The following DNAH7 variants were observed in gnomAD, a reference collection of about 807,000 sequenced individuals.
DNAH7 encodes the protein axonemal beta dynein heavy chain 7.
A neutral mutation model predicts 444.6 loss-of-function variants in DNAH7; 397 were observed. The observed-to-expected ratio is 0.89, with a 90% confidence interval of 0.82 to 0.97. The LOEUF (loss-of-function observed/expected upper bound fraction) is 0.97, where lower values mean the gene tolerates loss of function less well. Ranked by LOEUF, DNAH7 falls within the 50% of genes least tolerant of loss-of-function variation. DNAH7 has a pLI of 0.00. For synonymous variants in DNAH7, 1,636 were observed against 1,624.4 expected, an observed-to-expected ratio of 1.01 and a Z score of -0.17; for missense variants, 4,902 against 4,800.8, an observed-to-expected ratio of 1.02 and a Z score of -0.62.
At chr2:195,789,271 T>C (rs577334091) in intron 57 of DNAH7, among the ~76,000 whole-genome samples, 2 of 151,820 alleles carry the variant, frequency 1.3e-5, no homozygotes, top group Non-Finnish European at 1.5e-5. Context: ...AAGACTCAAG[T>C]ATAGCAATGA....
intron 2 of DNAH7, among the ~76,000 whole-genome samples, chr2:196,051,503 G>A (rs999871837): frequency 7.2e-5 from 11 of 152,220 alleles, no homozygotes; most frequent in African/African-American, 2.4e-4. Context: ...GGCCAGGCGC[G>A]GTGGCTGTAA....
chr2:195,830,365 G>T (rs1182167539), intron 48 of DNAH7, among the ~76,000 whole-genome samples: 1 of 152,114 alleles, frequency 6.6e-6, no homozygotes, highest in Non-Finnish European at 1.5e-5. Context: ...AATTTCTCTT[G>T]CATGTAGGAC....
At chr2:196,034,591 G>C (rs893588497) in intron 5 of DNAH7, among the ~76,000 whole-genome samples, 6 of 152,208 alleles carry the variant, frequency 3.9e-5, no homozygotes, top group African/African-American at 1.2e-4. Flanking sequence ...TTTTGAAAAA[G>C]AATAAATTTT....
At chr2:195,795,510 T>C (rs1251263890) in intron 56 of DNAH7, among the ~76,000 whole-genome samples, 1 of 152,210 alleles carries the variant, frequency 6.6e-6, no homozygotes, top group Non-Finnish European at 1.5e-5. Context: ...TGACGTATAC[T>C]CTTGAGAAAG....
At chr2:195,910,686 A>T (rs962016468) in intron 24 of DNAH7, among the ~76,000 whole-genome samples, 3 of 152,190 alleles carry the variant, frequency 2.0e-5, no homozygotes, top group Non-Finnish European at 2.9e-5. Context: ...AACAGAAAAT[A>T]AACCCTCAGA....
intron 61 of DNAH7, among the ~76,000 whole-genome samples, chr2:195,766,960 C>CT (rs1454838183): frequency 6.6e-6 from 1 of 151,996 alleles, no homozygotes; most frequent in Non-Finnish European, 1.5e-5. Context: ...GGTTACTTCT[C>CT]TTTTTTTGCT....
intron 46 of DNAH7, among the ~76,000 whole-genome samples, chr2:195,851,539 C>T (rs553689266): frequency 3.3e-5 from 5 of 152,196 alleles, no homozygotes; most frequent in Non-Finnish European, 5.9e-5. Flanking sequence ...AGTTCACATG[C>T]TTAAGGCACC....
At chr2:195,949,779 A>G (rs1421318763) in intron 19 of DNAH7, among the ~76,000 whole-genome samples, 3 of 152,182 alleles carry the variant, frequency 2.0e-5, no homozygotes, top group Non-Finnish European at 2.9e-5. Context: ...ACGTTCCATA[A>G]ATACCTAGTT....
intron 63 of DNAH7, among the ~76,000 whole-genome samples, chr2:195,751,139 GCTT>G (rs1693775539): frequency 6.6e-6 from 1 of 152,102 alleles, no homozygotes; most frequent in African/African-American, 2.4e-5. Flanking sequence ...GTGGGATAAA[GCTT>G]CTTTTGAGTA....
chr2:195,834,517 T>G (rs1698235620), intron 47 of DNAH7, 157 bp from the exon 48 acceptor site: 1 of 763,370 alleles, frequency 1.3e-6, no homozygotes, highest in South Asian at 4.1e-5. Flanking sequence ...AACAGAGACG[T>G]GTAGATTGAG....
chr2:196,030,761 C>CCATG (rs1696001015), intron 5 of DNAH7, among the ~76,000 whole-genome samples: 2 of 152,262 alleles, frequency 1.3e-5, no homozygotes, highest in Non-Finnish European at 2.9e-5. Context: ...CTCCAGGTCT[C>CCATG]ACATCCAGGT....
At chr2:195,884,234 T>C (rs1005277679) in intron 35 of DNAH7, among the ~76,000 whole-genome samples, 1 of 152,260 alleles carries the variant, frequency 6.6e-6, no homozygotes, top group Non-Finnish European at 1.5e-5. Flanking sequence ...GTGCCTAGTA[T>C]ACTAACATGC....
chr2:196,019,473 A>G (rs563048750), intron 8 of DNAH7, among the ~76,000 whole-genome samples, 178 bp from the exon 9 acceptor site: 1 of 152,322 alleles, frequency 6.6e-6, no homozygotes, highest in East Asian at 1.9e-4. Context: ...ATGGTTTAGT[A>G]TAATTTCATT....
intron 40 of DNAH7, 33 bp downstream of exon 40, chr2:195,872,217 A>T: frequency 6.6e-7 from 1 of 1,512,542 alleles, no homozygotes; most frequent in South Asian, 1.2e-5. Context: ...TTTGTTTCTC[A>T]CATAATCCCA....
chr2:195,920,115 G>T (rs770499731), intron 24 of DNAH7, among the ~76,000 whole-genome samples: 2 of 152,016 alleles, frequency 1.3e-5, no homozygotes, highest in Non-Finnish European at 2.9e-5. Context: ...GATCAATATT[G>T]TGATAATGAC....
chr2:195,832,129 T>C (rs1445990537), intron 48 of DNAH7, among the ~76,000 whole-genome samples: 2 of 152,244 alleles, frequency 1.3e-5, no homozygotes, highest in Non-Finnish European at 1.5e-5. Context: ...TATTCCTTCC[T>C]ATTGCATCTT....
chr2:195,964,927 C>A (rs931025425), intron 17 of DNAH7, among the ~76,000 whole-genome samples: 4 of 151,754 alleles, frequency 2.6e-5, no homozygotes, highest in African/African-American at 7.3e-5. Context: ...AATATGACTT[C>A]TTCCTTTCCA....
At chr2:195,806,673 C>T (rs1270068078) in intron 54 of DNAH7, 67 bp downstream of exon 54, 1 of 1,369,726 alleles carries the variant, frequency 7.3e-7, no homozygotes, top group Non-Finnish European at 1.0e-6. Context: ...AGGAAACGCA[C>T]ATTTGGATGG....
chr2:195,751,526 TAAAG>T (rs572246799), intron 63 of DNAH7, among the ~76,000 whole-genome samples: 218 of 152,222 alleles, frequency 1.4e-3, no homozygotes, highest in African/African-American at 5.0e-3. Flanking sequence ...AGAGCGATAA[TAAAG>T]AAAGAAATAC....
Sources: gnomAD v4.1 joint callset for allele counts (sites outside exome capture counted in the v4.1 genomes callset) on GRCh38, gnomAD v4.1.1 for gene constraint, MANE v1.5 for transcripts, NCBI Gene and HGNC (gene_info 2026-07-23, HGNC 2026-07-21) for gene names.